FRMPD4: variants seen among roughly 807,000 people sequenced by gnomAD.
FRMPD4 encodes FERM and PDZ domain-containing protein 4.
FRMPD4 carries 22 observed loss-of-function variants against 94.1 expected under a neutral mutation model. The ratio of observed to expected loss-of-function variants is 0.23; its 90% CI spans 0.17 to 0.33. The LOEUF (loss-of-function observed/expected upper bound fraction) is 0.33. Ranked by LOEUF, FRMPD4 falls within the 10% of genes least tolerant of loss-of-function variation. The pLI is 1.00. For missense variants in FRMPD4, 1,111 were observed against 1,339.9 expected (o/e 0.83, Z 2.67); for synonymous variants, 631 against 548.6 (o/e 1.15, Z -2.10).
intron 4 of FRMPD4, among the ~76,000 whole-genome samples, chrX:12,647,051 C>T (rs1218938703): frequency 6.3e-5 from 7 of 111,712 alleles, no homozygotes; most frequent in Non-Finnish European, 1.3e-4. Flanking sequence ...AATCTCTCAC[C>T]TTTTTATTCT....
chrX:11,875,807 C>T (rs1376013026), intron 2 of FRMPD4, among the ~76,000 whole-genome samples: 5 of 110,592 alleles, frequency 4.5e-5, no homozygotes, highest in Non-Finnish European at 9.4e-5. Flanking sequence ...AATAAGCCCC[C>T]CAGAGGGGAC....
chrX:12,263,913 G>A (rs1376911190), intron 1 of FRMPD4, among the ~76,000 whole-genome samples: 1 of 111,408 alleles, frequency 9.0e-6, no homozygotes, highest in Non-Finnish European at 1.9e-5. Context: ...GTAAGAGAGT[G>A]AGAAAGAGAT....
intron 2 of FRMPD4, among the ~76,000 whole-genome samples, chrX:12,516,520 C>A (rs903214734): frequency 9.0e-6 from 1 of 111,511 alleles, no homozygotes; most frequent in Non-Finnish European, 1.9e-5. Flanking sequence ...TTGAATAATG[C>A]CCCCCAATCT....
chrX:12,473,225 T>G (rs2057541003), intron 1 of FRMPD4, among the ~76,000 whole-genome samples: 1 of 109,364 alleles, frequency 9.1e-6, no homozygotes, highest in South Asian at 3.8e-4. Flanking sequence ...CCTTCATAAG[T>G]GAAGGAGAAA....
At chrX:12,197,157 C>T (rs1569188037) in intron 1 of FRMPD4, among the ~76,000 whole-genome samples, 1 of 110,996 alleles carries the variant, frequency 9.0e-6, no homozygotes, top group East Asian at 2.8e-4. Context: ...GTAGGGAACA[C>T]ATCTCTATAA....
intron 1 of FRMPD4, among the ~76,000 whole-genome samples, chrX:12,179,010 A>T (rs909967590): frequency 7.1e-5 from 8 of 111,946 alleles, no homozygotes; most frequent in Non-Finnish European, 1.3e-4. Flanking sequence ...GACTATTTGA[A>T]TGCTGGTTTT....
intron 3 of FRMPD4, among the ~76,000 whole-genome samples, chrX:12,118,917 C>A (rs1446260714): frequency 9.0e-6 from 1 of 111,225 alleles, no homozygotes; most frequent in African/African-American, 3.3e-5. Context: ...CTCCTGGTCT[C>A]TTTTCTAACA....
intron 1 of FRMPD4, among the ~76,000 whole-genome samples, chrX:11,847,353 A>G (rs1482909517): frequency 9.5e-6 from 1 of 104,829 alleles, no homozygotes; most frequent in African/African-American, 3.5e-5. Flanking sequence ...CACCAGTTAG[A>G]ATGGCAATCA....
chrX:12,630,009 C>T (rs1334043672), intron 4 of FRMPD4, among the ~76,000 whole-genome samples: 2 of 112,572 alleles, frequency 1.8e-5, no homozygotes, highest in African/African-American at 6.5e-5. Flanking sequence ...TAGACTCAGC[C>T]TTGCGGCACT....
chrX:12,080,022 G>T (rs1355136965), intron 3 of FRMPD4, among the ~76,000 whole-genome samples: 1 of 112,322 alleles, frequency 8.9e-6, no homozygotes, highest in East Asian at 2.8e-4. Flanking sequence ...TGCTGAGCCA[G>T]TTACTTTTGG....
At chrX:12,544,533 G>GTT (rs2058454462) in intron 2 of FRMPD4, among the ~76,000 whole-genome samples, 1 of 111,889 alleles carries the variant, frequency 8.9e-6, no homozygotes, top group East Asian at 2.8e-4. Context: ...TGAAAGCTAT[G>GTT]TGGGCATTCG....
At chrX:12,480,911 A>C (rs1306404435) in intron 1 of FRMPD4, among the ~76,000 whole-genome samples, 1 of 111,883 alleles carries the variant, frequency 8.9e-6, no homozygotes, top group Non-Finnish European at 1.9e-5. Flanking sequence ...TCAGTTTTGC[A>C]CTTGTTTGTT....
intron 1 of FRMPD4, among the ~76,000 whole-genome samples, chrX:12,148,350 G>T (rs762138313): frequency 8.9e-6 from 1 of 112,336 alleles, no homozygotes; most frequent in South Asian, 3.7e-4. Flanking sequence ...GGTCTGGATA[G>T]AAGATCAAAC....
intron 1 of FRMPD4, among the ~76,000 whole-genome samples, chrX:12,452,152 C>G (rs1243432217): frequency 2.7e-5 from 3 of 110,875 alleles, no homozygotes; most frequent in African/African-American, 9.8e-5. Context: ...GAAAGGATGA[C>G]TCTGACTAAA....
chrX:12,718,978 A>G (rs1329074924), intron 16 of FRMPD4, among the ~76,000 whole-genome samples, 188 bp downstream of exon 16: 2 of 112,769 alleles, frequency 1.8e-5, no homozygotes, highest in Non-Finnish European at 3.7e-5. Flanking sequence ...ATAAAGGTGA[A>G]AATGGCATTT....
intron 3 of FRMPD4, among the ~76,000 whole-genome samples, chrX:12,048,749 T>C (rs941539518): frequency 8.9e-6 from 1 of 111,928 alleles, no homozygotes; most frequent in Non-Finnish European, 1.9e-5. Flanking sequence ...GGGAGTCCTT[T>C]CTACACCACT....
At chrX:12,167,389 C>A (rs981205341) in intron 1 of FRMPD4, among the ~76,000 whole-genome samples, 4 of 111,475 alleles carry the variant, frequency 3.6e-5, no homozygotes, top group African/African-American at 1.3e-4. Flanking sequence ...ATCCTGAGTT[C>A]TAGTTTGATT....
chrX:11,914,912 T>A (rs2054016599), intron 3 of FRMPD4, among the ~76,000 whole-genome samples: 1 of 112,356 alleles, frequency 8.9e-6, no homozygotes, highest in Non-Finnish European at 1.9e-5. Flanking sequence ...CACGTTGAGA[T>A]TTGAGTTGTA....
At chrX:11,934,384 T>C (rs1255270758) in intron 3 of FRMPD4, among the ~76,000 whole-genome samples, 1 of 111,809 alleles carries the variant, frequency 8.9e-6, no homozygotes, top group Non-Finnish European at 1.9e-5. Context: ...ACAACACCAA[T>C]ATGCAGGCTA....
Sources: gnomAD v4.1 joint callset for allele counts (sites outside exome capture counted in the v4.1 genomes callset) on GRCh38, gnomAD v4.1.1 for gene constraint, MANE v1.5 for transcripts, NCBI Gene and HGNC (gene_info 2026-07-23, HGNC 2026-07-21) for gene names.